The following DNAJC9 variants were observed in gnomAD, a reference collection of about 807,000 sequenced individuals.
The protein encoded by DNAJC9 is DnaJ heat shock protein family (Hsp40) member C9, also known as dnaJ homolog subfamily C member 9.
DNAJC9 carries 18 observed loss-of-function variants against 32.4 expected under a neutral mutation model. The ratio of observed to expected loss-of-function variants is 0.56; its 90% CI spans 0.38 to 0.82. DNAJC9 has a LOEUF of 0.82. DNAJC9 is among the 40% of genes least tolerant of loss of function. The pLI, the probability that DNAJC9 is intolerant of heterozygous loss-of-function variation, is 0.00. For missense variants in DNAJC9, 310 were observed against 321.8 expected (o/e 0.96, Z 0.28); for synonymous variants, 113 against 122.1 (o/e 0.93, Z 0.49).
intron 3 of DNAJC9, among the ~76,000 whole-genome samples, chr10:73,245,317 C>A (rs12250119): frequency 9.9e-5 from 15 of 151,742 alleles, no homozygotes; most frequent in East Asian, 3.9e-4. Flanking sequence ...ATCTAACGCC[C>A]GATGATCTAA....
At chr10:73,233,400 G>A (rs1197144261) in intron 2 of DNAJC9, among the ~76,000 whole-genome samples, 3 of 152,092 alleles carry the variant, frequency 2.0e-5, no homozygotes, top group African/African-American at 7.2e-5. Context: ...GAGTGCAGTG[G>A]ATGATCATGG....
chr10:73,244,267 G>A (rs1049352789), intron 3 of DNAJC9: 1 of 223,404 alleles, frequency 4.5e-6, no homozygotes, highest in Non-Finnish European at 8.8e-6. Flanking sequence ...AGGCCAAGGT[G>A]GGAGGATCAC....
At chr10:73,233,305 G>T (rs1229228849) in intron 2 of DNAJC9, 1 of 639,370 alleles carries the variant, frequency 1.6e-6, no homozygotes, top group Non-Finnish European at 2.7e-6. Flanking sequence ...CATGGGTTTA[G>T]ATCCAACACA....
chr10:73,245,835 T>C, intron 3 of DNAJC9, 87 bp downstream of exon 3: 1 of 1,522,378 alleles, frequency 6.6e-7, no homozygotes. Context: ...ATTTCTGGAG[T>C]TTTATGTTTA....
rs947361936 is a variant in DNAJC9, at chr10:73,242,070, G to A, written c.*1330C>T. On this transcript the variant is annotated 3_prime_UTR_variant, in exon 5 of 5. Transcript: ENST00000372950. Reference sequence around the variant, plus strand: ...ATAAATTCAAATAATCATAAATTACGGTAACTTTTTATTATACCAAGGTGT... The same window carrying A: ...ATAAATTCAAATAATCATAAATTACAGTAACTTTTTATTATACCAAGGTGT... The A allele has an allele frequency of 9.2e-5, 14 of 152,094 alleles. No individual in the cohort carries two copies. Among genetic ancestry groups the A allele is most frequent in the South Asian group, 6.2e-4 (3 of 4,812 alleles). The allele number at this position is 152,094 out of a possible 1,614,324, so 9.4% of individuals were successfully genotyped here.
chr10:73,235,180 G>A (rs765205570), downstream of DNAJC9: 1 of 1,551,154 alleles, frequency 6.4e-7, no homozygotes, highest in Non-Finnish European at 8.7e-7. Context: ...TGTAACTTTT[G>A]TCTCCTCTGC....
downstream of DNAJC9, chr10:73,239,452 T>C (rs1451226808): frequency 8.8e-7 from 1 of 1,130,396 alleles, no homozygotes; most frequent in East Asian, 2.6e-5. Context: ...TTTGTCTTTT[T>C]TCCTACACCT....
At chr10:73,236,789 C>G (rs185762093), downstream of DNAJC9, among the ~76,000 whole-genome samples, 1 of 151,082 alleles carries the variant, frequency 6.6e-6, no homozygotes, top group Admixed American at 6.6e-5. Context: ...GAGCACAGCT[C>G]ACTGCAGCCT....
Position 73,246,838 on chromosome 10 carries a change from A to G in DNAJC9, c.181-10T>C. Reference sequence around the variant, plus strand: ...AGACTTTTCCCAGGATCTGAGGGCAAAGAGTATCCGTAAATCACCCCTGCT... The same window carrying G: ...AGACTTTTCCCAGGATCTGAGGGCAGAGAGTATCCGTAAATCACCCCTGCT... On this transcript the variant is annotated splice_polypyrimidine_tract_variant and intron_variant, in intron 1 of 4. Transcript: ENST00000372950. 1 of 1,613,742 alleles carries G rather than the reference A, an allele frequency of 6.2e-7. No homozygotes were observed.
chr10:73,240,511 G>C (rs188615172), downstream of DNAJC9, among the ~76,000 whole-genome samples: 1 of 152,292 alleles, frequency 6.6e-6, no homozygotes, highest in Admixed American at 6.5e-5. Context: ...AGCATATTGA[G>C]ACCATCCTGG....
chr10:73,245,187 C>T (rs551375680), intron 3 of DNAJC9, among the ~76,000 whole-genome samples: 2 of 152,156 alleles, frequency 1.3e-5, no homozygotes, highest in East Asian at 1.9e-4. Flanking sequence ...AAATTTTCAC[C>T]GGAAACAAAA....
At chr10:73,240,706 T>C (rs2043929732), downstream of DNAJC9, among the ~76,000 whole-genome samples, 2 of 144,074 alleles carry the variant, frequency 1.4e-5, no homozygotes, top group African/African-American at 2.6e-5. Flanking sequence ...AGAGTGAGAC[T>C]CCACCTCCAA....
chr10:73,241,450 A>C (rs960274581), downstream of DNAJC9: 1 of 182,324 alleles, frequency 5.5e-6, no homozygotes, highest in African/African-American at 2.4e-5. Flanking sequence ...AGTTGTACTC[A>C]GTTTTAAGTC....
rs367712943 is a variant in DNAJC9, at chr10:73,246,835, G to A, written c.181-7C>T. ...AATAGACTTTTCCCAGGATCTGAGG[G>A]CAAAGAGTATCCGTAAATCACCCCT... is the stretch of plus-strand genomic sequence containing the variant. On this transcript the variant is annotated splice_polypyrimidine_tract_variant and splice_region_variant and intron_variant, in intron 1 of 4. Coordinates refer to ENST00000372950, the MANE Select transcript of DNAJC9 (RefSeq NM_015190.5). 3 of 1,613,836 alleles carry A rather than the reference G, an allele frequency of 1.9e-6. No individual in the cohort carries two copies. The highest frequency in any genetic ancestry group is 1.7e-5 in the Admixed American group (1 of 60,024).
chr10:73,244,690 T>C (rs999282432), intron 3 of DNAJC9, among the ~76,000 whole-genome samples: 11 of 151,944 alleles, frequency 7.2e-5, no homozygotes, highest in Non-Finnish European at 1.5e-4. Flanking sequence ...TCTATTTACC[T>C]AATTTCAAAG....
downstream of DNAJC9, chr10:73,239,491 T>G: frequency 1.2e-6 from 1 of 812,016 alleles, no homozygotes; most frequent in East Asian, 2.8e-5. Context: ...TTTTCTTGGA[T>G]TTAATGTTTT....
downstream of DNAJC9, among the ~76,000 whole-genome samples, chr10:73,240,684 G>C (rs921555746): frequency 1.1e-4 from 17 of 150,632 alleles, no homozygotes; most frequent in African/African-American, 3.7e-4. Flanking sequence ...TGCACCTCCA[G>C]CCTGGGGGGA....
downstream of DNAJC9, chr10:73,235,447 T>C (rs1441709299): frequency 3.4e-6 from 5 of 1,456,690 alleles, no homozygotes; most frequent in Non-Finnish European, 4.5e-6. Flanking sequence ...TTTCCAACAA[T>C]AAAAAGTGTT....
At chr10:73,234,785 C>T, downstream of DNAJC9, 1 of 1,549,472 alleles carries the variant, frequency 6.5e-7, no homozygotes, top group South Asian at 1.2e-5. Flanking sequence ...TTCATGCTTT[C>T]ATACCTTCGT....
Sources: gnomAD v4.1 joint callset for allele counts (sites outside exome capture counted in the v4.1 genomes callset) on GRCh38, gnomAD v4.1.1 for gene constraint, MANE v1.5 for transcripts, NCBI Gene and HGNC (gene_info 2026-07-23, HGNC 2026-07-21) for gene names.